The following ROBO2 variants were observed in gnomAD, a reference collection of about 807,000 sequenced individuals.
The protein encoded by ROBO2 is roundabout homolog 2.
In ROBO2, 53 loss-of-function variants were observed where a neutral mutation model predicts 160.8. That is an observed-to-expected ratio of 0.33 (90% CI 0.26 to 0.41). The LOEUF (loss-of-function observed/expected upper bound fraction) is 0.41. Ranked by LOEUF, ROBO2 falls within the 10% of genes least tolerant of loss-of-function variation. The pLI, the probability that ROBO2 is intolerant of heterozygous loss-of-function variation, is 1.00. For missense variants in ROBO2, 1,577 were observed against 1,722.4 expected (o/e 0.92, Z 1.49); for synonymous variants, 664 against 611.7 (o/e 1.09, Z -1.26).
At chr3:76,279,767 A>T (rs560021543) in intron 2 of ROBO2, among the ~76,000 whole-genome samples, 77 of 152,152 alleles carry the variant, frequency 5.1e-4, no homozygotes, top group African/African-American at 1.7e-3. Flanking sequence ...ATAACGTAAC[A>T]CATAACATAA....
At position 77,096,421 on chromosome 3, in the gene ROBO2, C is replaced by T. The variant is rs199934782; in HGVS notation, c.62-1593C>T. Among the ~76,000 whole-genome samples the T allele has an allele frequency of 5.3e-5, 8 of 151,268 alleles. No homozygotes were observed. In the East Asian group the frequency reaches 1.4e-3, roughly 26 times the overall value. ...TTTGATTGTGAAATATCAACAGAGC[C>T]TTCTCTTCCTATTTCTTTTCTTTTC... On this transcript the variant is annotated intron_variant, in intron 1 of 25. Coordinates refer to ENST00000461745, the Ensembl canonical transcript of ROBO2.
At chr3:76,032,189 G>GT (rs2066945351) in intron 2 of ROBO2, among the ~76,000 whole-genome samples, 2 of 152,070 alleles carry the variant, frequency 1.3e-5, no homozygotes, top group Non-Finnish European at 1.5e-5. Flanking sequence ...ATTTCTGTGG[G>GT]ATCGGTGGTG....
chr3:77,464,792 A>G (rs1265026060), intron 2 of ROBO2, among the ~76,000 whole-genome samples: 1 of 152,202 alleles, frequency 6.6e-6, no homozygotes, highest in Non-Finnish European at 1.5e-5. Flanking sequence ...CAGCACTTTT[A>G]TCAACTGAGA....
At chr3:76,357,887 C>G (rs1278787551) in intron 2 of ROBO2, among the ~76,000 whole-genome samples, 1 of 148,500 alleles carries the variant, frequency 6.7e-6, no homozygotes. Context: ...TATATCTAAA[C>G]TTTAAAATAT....
intron 2 of ROBO2, among the ~76,000 whole-genome samples, chr3:76,016,082 G>C (rs1199783489): frequency 1.3e-5 from 2 of 152,004 alleles, no homozygotes; most frequent in Non-Finnish European, 2.9e-5. Context: ...AGCCAATATG[G>C]GGTACCTAGA....
At chr3:76,126,978 T>C (rs2108316358) in intron 2 of ROBO2, among the ~76,000 whole-genome samples, 1 of 152,302 alleles carries the variant, frequency 6.6e-6, no homozygotes, top group African/African-American at 2.4e-5. Context: ...CCTTTCCGTG[T>C]TTACCTCCAG....
chr3:76,538,812 T>G (rs927006860), intron 2 of ROBO2, among the ~76,000 whole-genome samples: 8 of 152,180 alleles, frequency 5.3e-5, no homozygotes, highest in African/African-American at 1.9e-4. Context: ...TACCCAGTAT[T>G]TAGTTCCCAC....
At chr3:76,142,646 A>G (rs189660445) in intron 2 of ROBO2, among the ~76,000 whole-genome samples, 11 of 152,050 alleles carry the variant, frequency 7.2e-5, no homozygotes, top group Admixed American at 7.2e-4. Flanking sequence ...GAGTAGAAGG[A>G]TGGTTACCAG....
At chr3:75,952,277 G>A (rs947292130) in intron 2 of ROBO2, among the ~76,000 whole-genome samples, 7 of 151,784 alleles carry the variant, frequency 4.6e-5, no homozygotes, top group African/African-American at 1.2e-4. Flanking sequence ...TTCTGACTTG[G>A]GAGGTGAAAA....
intron 2 of ROBO2, among the ~76,000 whole-genome samples, chr3:76,655,837 A>T (rs1320745753): frequency 6.6e-6 from 1 of 151,776 alleles, no homozygotes; most frequent in Non-Finnish European, 1.5e-5. Context: ...ACTAGAGATT[A>T]TGATTGATCC....
chr3:76,747,636 TTTTA>T (rs1253543319), intron 2 of ROBO2, among the ~76,000 whole-genome samples: 3 of 151,880 alleles, frequency 2.0e-5, no homozygotes, highest in Non-Finnish European at 4.4e-5. Context: ...AAATCACAGA[TTTTA>T]TTTCTTTGGT....
At chr3:77,481,060 T>G in intron 3 of ROBO2, 39 bp from the exon 4 acceptor site, 1 of 1,546,838 alleles carries the variant, frequency 6.5e-7, no homozygotes. Flanking sequence ...TCTGTTCCTT[T>G]TTCTTCCCTT....
intron 2 of ROBO2, among the ~76,000 whole-genome samples, chr3:76,722,410 G>A (rs368168437): frequency 1.1e-4 from 17 of 152,126 alleles, no homozygotes; most frequent in South Asian, 4.2e-4. Context: ...GTGAACCACC[G>A]CACCTGGCCA....
intron 5 of ROBO2, among the ~76,000 whole-genome samples, chr3:77,497,261 A>G (rs951721149): frequency 6.6e-6 from 1 of 152,144 alleles, no homozygotes; most frequent in African/African-American, 2.4e-5. Context: ...ATTTCAATAC[A>G]TATGTGTTAG....
chr3:76,507,809 C>A (rs1046979316), intron 2 of ROBO2, among the ~76,000 whole-genome samples: 1 of 152,008 alleles, frequency 6.6e-6, no homozygotes, highest in Non-Finnish European at 1.5e-5. Context: ...TTCTACAATC[C>A]GTTCTTTCTA....
intron 2 of ROBO2, among the ~76,000 whole-genome samples, chr3:76,774,719 A>G (rs1052745988): frequency 2.7e-5 from 4 of 150,492 alleles, no homozygotes; most frequent in South Asian, 4.2e-4. Flanking sequence ...AAAGAAATCT[A>G]TGTTTTTAAA....
At chr3:77,314,690 T>C (rs2063818770) in intron 2 of ROBO2, among the ~76,000 whole-genome samples, 1 of 152,120 alleles carries the variant, frequency 6.6e-6, no homozygotes, top group Non-Finnish European at 1.5e-5. Flanking sequence ...TGTTAAAAAA[T>C]ATATCATCTA....
At chr3:77,545,438 G>T (rs540718348) in intron 6 of ROBO2, among the ~76,000 whole-genome samples, 1 of 152,028 alleles carries the variant, frequency 6.6e-6, no homozygotes, top group Non-Finnish European at 1.5e-5. Flanking sequence ...AACACCAAGG[G>T]ATTTCTTTCT....
At chr3:77,031,209 G>C (rs921886829) in intron 2 of ROBO2, among the ~76,000 whole-genome samples, 5 of 152,138 alleles carry the variant, frequency 3.3e-5, no homozygotes, top group African/African-American at 9.7e-5. Context: ...GTCCTGGAAA[G>C]AGGATGATGT....
Sources: gnomAD v4.1 joint callset for allele counts (sites outside exome capture counted in the v4.1 genomes callset) on GRCh38, gnomAD v4.1.1 for gene constraint, MANE v1.5 for transcripts, NCBI Gene and HGNC (gene_info 2026-07-23, HGNC 2026-07-21) for gene names.